Variants in COL14A1 observed in about 807,000 individuals in gnomAD.
The protein encoded by COL14A1 is collagen alpha-1(XIV) chain.
A neutral mutation model predicts 230.3 loss-of-function variants in COL14A1; 136 were observed. The observed-to-expected ratio is 0.59, with a 90% CI of 0.51 to 0.68. The LOEUF is 0.68. Among genes scored for constraint, COL14A1 ranks in the 30% least tolerant of loss-of-function variants. The pLI is 0.00. For missense variants in COL14A1, 1,976 were observed against 2,215.8 expected, an observed-to-expected ratio of 0.89 and a Z score of 2.17; for synonymous variants, 792 against 784.1, an observed-to-expected ratio of 1.01 and a Z score of -0.17.
chr8:120,251,934 A>G (rs1335699230), intron 22 of COL14A1, among the ~76,000 whole-genome samples: 3 of 151,760 alleles, frequency 2.0e-5, no homozygotes, highest in Admixed American at 6.6e-5. Flanking sequence ...TTGTAACTCT[A>G]TTGCTATAAA....
intron 6 of COL14A1, among the ~76,000 whole-genome samples, chr8:120,197,316 AC>A (rs1169449774): frequency 6.6e-6 from 1 of 152,174 alleles, no homozygotes; most frequent in Non-Finnish European, 1.5e-5. Context: ...GTACAAGATA[AC>A]CTTTGCCAAA....
Position 120,280,903 on chromosome 8 carries a change from C to CTTTTT in COL14A1, c.3686-7_3686-3dup. ...ATTCCTTATGTTTATTCTTTTTCTA[C>CTTTTT]TTTTTTTTTTTTTTTAGGATTTAAG... On this transcript the variant is annotated splice_polypyrimidine_tract_variant and intron_variant, in intron 30 of 47. Transcript: ENST00000297848. 1 of 1,398,576 alleles carries CTTTTT rather than the reference C, an allele frequency of 7.2e-7. No individual in the cohort carries two copies. Among genetic ancestry groups the CTTTTT allele is most frequent in the Non-Finnish European group, 9.6e-7 (1 of 1,036,654 alleles). The allele number at this position is 1,398,576 out of a possible 1,614,324, so 86.6% of individuals were successfully genotyped here.
intron 33 of COL14A1, among the ~76,000 whole-genome samples, chr8:120,287,217 A>T (rs1820230485): frequency 1.4e-5 from 2 of 146,232 alleles, no homozygotes; most frequent in African/African-American, 5.2e-5. Flanking sequence ...ACAGTTGCTA[A>T]AAAAAAAAAA....
intron 5 of COL14A1, among the ~76,000 whole-genome samples, chr8:120,176,180 T>C (rs1467506650): frequency 6.6e-6 from 1 of 152,236 alleles, no homozygotes; most frequent in Non-Finnish European, 1.5e-5. Flanking sequence ...CAATGGTTTA[T>C]ATTATTGATT....
rs1237894842 is a variant in COL14A1 at position 120,315,960 on chromosome 8, T to C, written c.4622T>C (p.Val1541Ala). 8.1e-6 allele frequency: 13 copies of C among 1,613,866 alleles called. No individual in the cohort carries two copies. The Admixed American group carries it at 1.0e-4, about 12-fold the overall frequency. ...TCTACACAGGGTATCCCAGGAGGCGTTGGTTCACCAGGACGTGATGGCTCA... is the reference window on the plus strand; with the variant it reads ...TCTACACAGGGTATCCCAGGAGGCGCTGGTTCACCAGGACGTGATGGCTCA... ...LPGPQGIPGG[V>A]GSPGRDGSPG... The change falls in exon 40 of 48, where the codon GTT becomes GCT. Residue 1541 changes from valine (V) to alanine (A), a missense_variant. By Grantham distance (64) the Val-to-Ala change is moderately conservative. Coordinates refer to ENST00000297848, the MANE Select transcript of COL14A1 (RefSeq NM_021110.4).
chr8:120,189,470 T>A (rs2085303), intron 5 of COL14A1, among the ~76,000 whole-genome samples: 51,282 of 151,406 alleles, frequency 0.34, 9,481 homozygotes, highest in Admixed American at 0.48. Context: ...TTAATTAAAA[T>A]TTTTTTATTT....
intron 44 of COL14A1, among the ~76,000 whole-genome samples, chr8:120,344,731 A>T (rs1209316996): frequency 6.6e-6 from 1 of 152,254 alleles, no homozygotes; most frequent in Non-Finnish European, 1.5e-5. Context: ...TCTCCTAATG[A>T]TGTTGGAAAA....
chr8:120,327,046 A>G (rs1174189683), intron 40 of COL14A1, among the ~76,000 whole-genome samples: 1 of 152,122 alleles, frequency 6.6e-6, no homozygotes. Context: ...CAGAAACAAA[A>G]ACAAAAACCC....
At chr8:120,248,308 T>C (rs934248152) in intron 21 of COL14A1, among the ~76,000 whole-genome samples, 1 of 152,062 alleles carries the variant, frequency 6.6e-6, no homozygotes, top group Non-Finnish European at 1.5e-5. Context: ...CATCATTATA[T>C]CTTGAAGGCA....
Position 120,345,818 on chromosome 8 carries a change from T to C in COL14A1, c.5077+255T>C, listed in dbSNP as rs528084909. ...AACCCCCAAATCACTTCTGAGAGTATTTGAGCTAATGAAAGAAAGATAACC... is the reference window on the plus strand; with the variant it reads ...AACCCCCAAATCACTTCTGAGAGTACTTGAGCTAATGAAAGAAAGATAACC... On this transcript the variant is annotated intron_variant, in intron 45 of 47. Transcript: ENST00000297848. 7.9e-5 allele frequency among the ~76,000 whole-genome samples: 12 copies of C among 152,322 alleles called. No individual in the cohort carries two copies. The East Asian group carries it at 2.3e-3, about 29-fold the overall frequency.
Position 120,280,767 on chromosome 8 carries a change from C to T in COL14A1, c.3685+18C>T, listed in dbSNP as rs779996170. On this transcript the variant is annotated intron_variant, in intron 30 of 47. Transcript: ENST00000297848. ...TCTTGCAGGTATGCATTATCACAAT[C>T]TTTTCAAACACAAAATATATTACAG... is the stretch of plus-strand genomic sequence containing the variant. 3 of 1,611,886 alleles carry T rather than the reference C, an allele frequency of 1.9e-6. No homozygotes were observed. Among genetic ancestry groups the T allele is most frequent in the East Asian group, 4.5e-5 (2 of 44,812 alleles).
intron 5 of COL14A1, among the ~76,000 whole-genome samples, chr8:120,188,249 A>G (rs547814527): frequency 6.6e-6 from 1 of 151,946 alleles, no homozygotes; most frequent in South Asian, 2.1e-4. Flanking sequence ...TGCCCAGCTA[A>G]TTTTCGTATT....
intron 44 of COL14A1, among the ~76,000 whole-genome samples, chr8:120,344,488 G>A (rs1190907820): frequency 6.6e-6 from 1 of 152,182 alleles, no homozygotes; most frequent in East Asian, 1.9e-4. Flanking sequence ...AAAAGCAAAT[G>A]AGGAAATGTC....
At position 120,310,027 on chromosome 8, in the gene COL14A1, G is replaced by A. The variant is rs759944050; in HGVS notation, c.4420G>A (p.Gly1474Arg). 1 of 1,613,784 alleles carries A rather than the reference G, an allele frequency of 6.2e-7. No homozygotes were observed. The highest frequency in any genetic ancestry group is 1.1e-5 in the South Asian group (1 of 91,030). Reference protein sequence around the residue: ...AGPPGGPGLRGPKGQQGEPGP... With the variant: ...AGPPGGPGLRRPKGQQGEPGP... Reference sequence around the variant, plus strand: ...TTGCCAGGGTGGTCCAGGACTCCGAGGACCAAAGGGCCAGCAAGGTGAACC... The same window carrying A: ...TTGCCAGGGTGGTCCAGGACTCCGAAGACCAAAGGGCCAGCAAGGTGAACC... Residue 1474 changes from glycine to arginine, a missense_variant, in exon 37 of 48, where the codon GGA (glycine) becomes AGA (arginine). Physicochemically the swap from Gly to Arg is moderately radical, Grantham distance 125 (BLOSUM62 -2). Around this residue, in one of 3 missense-constraint regions of COL14A1, gnomAD observed 1,791 missense variants for 2,019.5 expected, o/e 0.89. Coordinates refer to ENST00000297848, the MANE Select transcript of COL14A1 (RefSeq NM_021110.4).
chr8:120,315,722 C>A, intron 39 of COL14A1, 136 bp downstream of exon 39: 1 of 804,388 alleles, frequency 1.2e-6, no homozygotes, highest in Non-Finnish European at 2.0e-6. Context: ...TATTCACTTA[C>A]CCTAAGCCCC....
chr8:120,197,782 C>T lies in COL14A1; in HGVS notation c.593-29C>T, dbSNP rs761513556. The stretch of plus-strand genomic sequence containing the variant: ...TAGATTTTTGAGTAACCCATTATTC[C>T]TGGTGCGTTTCCTAATCTTTTTTTC... On this transcript the variant is annotated intron_variant, in intron 6 of 47. Coordinates refer to ENST00000297848, the MANE Select transcript of COL14A1 (RefSeq NM_021110.4). The T allele has an allele frequency of 3.8e-6, 6 of 1,586,846 alleles. No homozygotes were observed. In the African/African-American group the frequency reaches 5.4e-5, roughly 14 times the overall value.
At chr8:120,358,614 CA>C (rs1395271857) in intron 45 of COL14A1, among the ~76,000 whole-genome samples, 1 of 151,130 alleles carries the variant, frequency 6.6e-6, no homozygotes, top group African/African-American at 2.4e-5. Flanking sequence ...GCCAGAAAAT[CA>C]TGGCAAGTTT....
chr8:120,202,989 A>T (rs1385743919), intron 8 of COL14A1, among the ~76,000 whole-genome samples: 2 of 106,554 alleles, frequency 1.9e-5, no homozygotes, highest in African/African-American at 3.2e-5. Context: ...AATAATTTCA[A>T]ATATATATAT....
chr8:120,227,375 T>G lies in COL14A1; in HGVS notation c.2137+23T>G, dbSNP rs763327910. 36 of 1,612,392 alleles carry G rather than the reference T, an allele frequency of 2.2e-5. 1 individual carries two copies. In the East Asian group the frequency reaches 6.9e-4, roughly 31 times the overall value. ...CACGTAAGTCTTGGTCTGGCCACAG[T>G]GCGTTTTAGCTGCTCCCACAATCCC... is the stretch of plus-strand genomic sequence containing the variant. On this transcript the variant is annotated intron_variant, in intron 17 of 47. Transcript: ENST00000297848.
Sources: gnomAD v4.1 joint callset for allele counts (sites outside exome capture counted in the v4.1 genomes callset) on GRCh38, gnomAD v4.1.1 for gene constraint, gnomAD v4.1.1 regional missense constraint, MANE v1.5 for transcripts, NCBI Gene and HGNC (gene_info 2026-07-23, HGNC 2026-07-21) for gene names.